The following CAPN14 variants were observed in gnomAD, a reference collection of about 807,000 sequenced individuals.
CAPN14 encodes calpain 14.
Under a neutral mutation model 101.3 loss-of-function variants are expected in CAPN14, and 94 were observed. That is an observed-to-expected ratio of 0.93 (90% CI 0.79 to 1.10). The LOEUF (loss-of-function observed/expected upper bound fraction) is 1.10. Among genes scored for constraint, CAPN14 ranks in the 50% least tolerant of loss-of-function variants. The probability of loss-of-function intolerance (pLI) is 0.00; values close to 1 mark genes in which losing one functional copy is unlikely to be tolerated. For missense variants in CAPN14, 837 were observed against 828.4 expected, an observed-to-expected ratio of 1.01 and a Z score of -0.13; for synonymous variants, 338 against 317.9, an observed-to-expected ratio of 1.06 and a Z score of -0.67.
intron 1 of CAPN14, among the ~76,000 whole-genome samples, chr2:31,209,556 T>C (rs76100370): frequency 0.048 from 7,363 of 152,244 alleles, 179 homozygotes; most frequent in African/African-American, 0.054. Context: ...CCAATCCCTG[T>C]ATACAGGCAG....
rs147410073 is a variant in CAPN14 at position 31,184,342 on chromosome 2, C to T, written c.1645+2086G>A. ...GTTTCACCTCCAGAAAAGCATAAAA[C>T]GGTATTTGTCTCTTCTTTGACTTTT... is the stretch of plus-strand genomic sequence containing the variant. On this transcript the variant is annotated intron_variant, in intron 16 of 21. Coordinates refer to ENST00000403897, the MANE Select transcript of CAPN14 (RefSeq NM_001145122.2). 4.8e-3 allele frequency among the ~76,000 whole-genome samples: 737 copies of T among 152,302 alleles called. 5 individuals carry two copies. The highest frequency in any genetic ancestry group is 0.016 in the African/African-American group (675 of 41,568).
chr2:31,211,444 A>C (rs1393421229), intron 1 of CAPN14, among the ~76,000 whole-genome samples: 2 of 152,184 alleles, frequency 1.3e-5, no homozygotes, highest in Non-Finnish European at 2.9e-5. Flanking sequence ...TCTTTTTAAA[A>C]CAGCAAGAAC....
intron 3 of CAPN14, 143 bp downstream of exon 3, chr2:31,202,927 G>C (rs1681870923): frequency 7.8e-6 from 5 of 640,386 alleles, no homozygotes; most frequent in Admixed American, 2.8e-5. Flanking sequence ...ACATGTCCAG[G>C]TAGCGTTTTG....
At position 31,224,853 on chromosome 2, in the gene CAPN14, T is replaced by C. The variant is rs150193493; in HGVS notation, c.-53+1675A>G. Among the ~76,000 whole-genome samples, 1,108 of 152,114 alleles carry C rather than the reference T, an allele frequency of 7.3e-3. 9 individuals carry two copies. The highest frequency in any genetic ancestry group is 0.013 in the East Asian group (70 of 5,186). On this transcript the variant is annotated intron_variant and NMD_transcript_variant, in intron 2 of 21. Coordinates refer to the CAPN14 transcript ENST00000398824. The stretch of plus-strand genomic sequence containing the variant: ...TATTTGAGGAGAACTATAAAAAGTT[T>C]ATAGAGATATAAAAGATTTGTGAAT...
intron 16 of CAPN14, among the ~76,000 whole-genome samples, chr2:31,183,518 T>A (rs1203801749): frequency 2.0e-5 from 3 of 151,910 alleles, no homozygotes; most frequent in African/African-American, 7.3e-5. Context: ...CATCAAAAAG[T>A]GGGCAAAGGA....
At chr2:31,231,463 T>C (rs1683189057) in intron 1 of CAPN14, among the ~76,000 whole-genome samples, 1 of 152,256 alleles carries the variant, frequency 6.6e-6, no homozygotes, top group Non-Finnish European at 1.5e-5. Flanking sequence ...TTTTGTCAGA[T>C]TTATCCGTAA....
At position 31,230,870 on chromosome 2, in the gene CAPN14, C is replaced by T. The variant is rs118004375; in HGVS notation, c.-177+2921G>A. On this transcript the variant is annotated intron_variant and NMD_transcript_variant, in intron 1 of 21. Transcript: ENST00000398824. This position sits in a 1 kb window ranked among gnomAD's most constrained non-coding sequence, Gnocchi z 4.3. ...TTCATTTTTCAGTTTGTGCTTCTGA[C>T]GTCTTGTTTAAAGAACTCTTCCTGA... Among the ~76,000 whole-genome samples, 866 of 152,194 alleles carry T rather than the reference C, an allele frequency of 5.7e-3. 11 individuals are homozygous for T. The highest frequency in any genetic ancestry group is 0.019 in the African/African-American group (774 of 41,510).
intron 3 of CAPN14, 105 bp downstream of exon 3, chr2:31,202,965 T>C (rs1681873546): frequency 2.1e-6 from 2 of 952,120 alleles, no homozygotes; most frequent in South Asian, 3.0e-5. Context: ...TGGGCCTCTC[T>C]CCAGTGGGGA....
At chr2:31,202,663 C>T (rs750971660) in intron 3 of CAPN14, among the ~76,000 whole-genome samples, 4 of 152,110 alleles carry the variant, frequency 2.6e-5, no homozygotes, top group Non-Finnish European at 5.9e-5. Context: ...CTGAGCCTTC[C>T]CTGATGACCA....
At chr2:31,188,609 C>T (rs115219980) in intron 13 of CAPN14, among the ~76,000 whole-genome samples, 2,766 of 152,288 alleles carry the variant, frequency 0.018, 48 homozygotes, top group South Asian at 0.06. Context: ...AGTGGTCTGA[C>T]GTGGCAGTGG....
rs1681826929 is a variant in CAPN14, at chr2:31,202,168, A to G, written c.380T>C (p.Phe127Ser). ...GAAGATGCCAGCATACTTCTCAGTGAAACTCTGATTCAGGGGAACAACCCG... is the reference window on the plus strand; with the variant it reads ...GAAGATGCCAGCATACTTCTCAGTGGAACTCTGATTCAGGGGAACAACCCG... The part of the protein sequence containing the change: ...LSRVVPLNQS[F>S]TEKYAGIFRF... Residue 127 changes from phenylalanine to serine, a missense_variant, in exon 4 of 22, where the codon TTC (phenylalanine) becomes TCC (serine). Phe to Ser is a radical substitution (Grantham distance 155, BLOSUM62 -2). Transcript: ENST00000403897. 7.1e-6 allele frequency: 11 copies of G among 1,551,936 alleles called. No homozygotes were observed. The highest frequency in any genetic ancestry group is 9.6e-6 in the Non-Finnish European group (11 of 1,147,034).
At chr2:31,181,332 A>G (rs1225770030) in intron 16 of CAPN14, among the ~76,000 whole-genome samples, 1 of 151,834 alleles carries the variant, frequency 6.6e-6, no homozygotes, top group African/African-American at 2.4e-5. Flanking sequence ...CAACTTGTTC[A>G]AGCTCCCAAC....
At chr2:31,192,653 G>C (rs907929316) in intron 10 of CAPN14, among the ~76,000 whole-genome samples, 1 of 152,154 alleles carries the variant, frequency 6.6e-6, no homozygotes, top group African/African-American at 2.4e-5. Flanking sequence ...GTCCAGACAG[G>C]TTTGTCTCCC....
rs1682358327 is a variant in CAPN14, at chr2:31,210,831, C to T, written c.-52-5332G>A. On this transcript the variant is annotated intron_variant, in intron 1 of 21. Coordinates refer to ENST00000403897, the MANE Select transcript of CAPN14 (RefSeq NM_001145122.2). ...TGCCTTTGCCAATAAGTTGAATATA[C>T]AAGAACGTATTTAGTTGTTGCAAAG... Among the ~76,000 whole-genome samples, 5 of 152,230 alleles carry T rather than the reference C, an allele frequency of 3.3e-5. No homozygotes were observed. In the South Asian group the frequency reaches 1.0e-3, roughly 32 times the overall value.
rs537045738 is a variant in CAPN14 at position 31,207,312 on chromosome 2, C to T, written c.-52-1813G>A. ...AGATCCCCTCATTCTGTCTATGGAC[C>T]CATTGTCTGCCCCATTGGGCACCTA... On this transcript the variant is annotated intron_variant, in intron 1 of 21. Coordinates refer to ENST00000403897, the MANE Select transcript of CAPN14 (RefSeq NM_001145122.2). 7.1e-4 allele frequency among the ~76,000 whole-genome samples: 108 copies of T among 152,284 alleles called. 3 individuals carry two copies. The South Asian group carries it at 0.022, about 31-fold the overall frequency.
intron 16 of CAPN14, among the ~76,000 whole-genome samples, chr2:31,181,386 T>TTCTCTTTCTTTCTC (rs1171284901): frequency 7.6e-6 from 1 of 131,202 alleles, no homozygotes; most frequent in African/African-American, 3.0e-5. Context: ...TCTTTTCTTT[T>TTCTCTTTCTTTCTC]TTTCTTTCTT....
At position 31,206,021 on chromosome 2, in the gene CAPN14, A is replaced by ATTTTT. The variant is rs200116287; in HGVS notation, c.-52-527_-52-523dup. 6.6e-4 allele frequency among the ~76,000 whole-genome samples: 72 copies of ATTTTT among 108,790 alleles called. 6 individuals are homozygous for ATTTTT. Among genetic ancestry groups the ATTTTT allele is most frequent in the Non-Finnish European group, 9.2e-4 (46 of 49,804 alleles). The allele number at this position is 108,790 out of a possible 152,430, so 71.4% of individuals were successfully genotyped here. On this transcript the variant is annotated intron_variant, in intron 1 of 21. Coordinates refer to ENST00000403897, the MANE Select transcript of CAPN14 (RefSeq NM_001145122.2). ...CAAAACCTCCTCCTACATTATCTTT[A>ATTTTT]TTTTTTTTATTTATTTATTTTTTTT...
chr2:31,203,556 C>T (rs1681907880), intron 2 of CAPN14, among the ~76,000 whole-genome samples: 1 of 152,104 alleles, frequency 6.6e-6, no homozygotes, highest in African/African-American at 2.4e-5. Flanking sequence ...TGATGCGATG[C>T]AGCCTGTGAT....
At chr2:31,219,369 C>T (rs1373016873), upstream of CAPN14, among the ~76,000 whole-genome samples, 1 of 152,222 alleles carries the variant, frequency 6.6e-6, no homozygotes. Flanking sequence ...CCGACTGTCA[C>T]CCAGGACAGA....
Sources: allele counts gnomAD v4.1 joint callset (sites outside exome capture counted in the v4.1 genomes callset), GRCh38; gene constraint gnomAD v4.1.1; non-coding constraint Gnocchi (gnomAD v3.1); transcripts MANE v1.5; gene names NCBI Gene and HGNC (gene_info 2026-07-23, HGNC 2026-07-21).